Variants in ENPP2 observed in about 807,000 individuals in gnomAD.
ENPP2 encodes the protein autotaxin.
ENPP2 carries 51 observed loss-of-function variants against 120.2 expected under a neutral mutation model. The observed-to-expected ratio is 0.42, with a 90% confidence interval of 0.34 to 0.54. The LOEUF is 0.54. Among genes scored for constraint, ENPP2 ranks in the 20% least tolerant of loss-of-function variants. ENPP2 has a pLI of 0.04. For missense variants in ENPP2, 920 were observed against 1,066.5 expected, an observed-to-expected ratio of 0.86 and a Z score of 1.91; for synonymous variants, 365 against 366.4, an observed-to-expected ratio of 1.00 and a Z score of 0.04.
intron 20 of ENPP2, among the ~76,000 whole-genome samples, chr8:119,569,572 T>A (rs971066604): frequency 2.6e-5 from 4 of 152,090 alleles, no homozygotes; most frequent in Admixed American, 6.6e-5. Context: ...AAACTTTTTT[T>A]AATCAACATA....
intron 11 of ENPP2, chr8:119,595,881 A>G (rs373184043): frequency 1.2e-6 from 2 of 1,613,936 alleles, no homozygotes; most frequent in African/African-American, 2.7e-5. Flanking sequence ...ATAATGATCC[A>G]TCCTATGTAT....
rs577999644 is a variant in ENPP2 at position 119,638,571 on chromosome 8, G to A, written c.34-44C>T. 7 of 1,223,534 alleles carry A rather than the reference G, an allele frequency of 5.7e-6. No individual in the cohort carries two copies. The African/African-American group carries it at 1.0e-4, about 18-fold the overall frequency. 75.8% of individuals were successfully genotyped at this position (1,223,534 alleles called of 1,614,324 possible). ...CAAGTTGTCAAATACAGCTGGAGAA[G>A]ACTAAATCAAATTACACAAAGGTGA... On this transcript the variant is annotated intron_variant, in intron 1 of 24. Coordinates refer to ENST00000075322, the MANE Select transcript of ENPP2 (RefSeq NM_001040092.3).
chr8:119,606,202 C>A (rs1026619993), intron 9 of ENPP2, among the ~76,000 whole-genome samples: 10 of 151,960 alleles, frequency 6.6e-5, no homozygotes, highest in Admixed American at 4.6e-4. Flanking sequence ...AAAAATGAAT[C>A]CAAGTCACTT....
intron 3 of ENPP2, among the ~76,000 whole-genome samples, chr8:119,622,746 T>G (rs539037133): frequency 7.2e-5 from 11 of 152,290 alleles, no homozygotes; most frequent in African/African-American, 2.2e-4. Context: ...AGAACTACTC[T>G]ATTGAGAACT....
intron 10 of ENPP2, 58 bp downstream of exon 10, chr8:119,601,339 G>A (rs371937595): frequency 6.8e-5 from 81 of 1,187,354 alleles, no homozygotes; most frequent in Admixed American, 3.1e-4. Context: ...AGTGTTTCAC[G>A]CAATTCTAAA....
chr8:119,622,876 G>A (rs1324596025), intron 3 of ENPP2, among the ~76,000 whole-genome samples: 1 of 151,698 alleles, frequency 6.6e-6, no homozygotes. Context: ...CATTCCAATT[G>A]GAAAAGACAG....
intron 11 of ENPP2, chr8:119,596,039 C>T (rs373092178): frequency 2.7e-5 from 43 of 1,600,146 alleles, no homozygotes; most frequent in Middle Eastern, 1.7e-4. Flanking sequence ...ACTCAGAAGT[C>T]GTCTGTCCCT....
chr8:119,603,073 T>A (rs1221696649), intron 9 of ENPP2, among the ~76,000 whole-genome samples: 1 of 152,204 alleles, frequency 6.6e-6, no homozygotes, highest in African/African-American at 2.4e-5. Flanking sequence ...CCAATGCTAT[T>A]GGATAAATGC....
At chr8:119,640,989 C>T (rs536671059), upstream of ENPP2, among the ~76,000 whole-genome samples, 133 of 152,110 alleles carry the variant, frequency 8.7e-4, no homozygotes, top group African/African-American at 3.1e-3. Context: ...TCAGGTGATC[C>T]GCCCATCTCA....
chr8:119,637,698 C>A (rs1313118634), intron 2 of ENPP2, among the ~76,000 whole-genome samples: 2 of 152,178 alleles, frequency 1.3e-5, no homozygotes, highest in South Asian at 2.1e-4. Flanking sequence ...AGGAAATTAA[C>A]CAACTCATTG....
chr8:119,618,533 C>T (rs890247694), intron 5 of ENPP2: 3 of 334,646 alleles, frequency 9.0e-6, no homozygotes, highest in Non-Finnish European at 1.7e-5. Flanking sequence ...AGCCAGATGT[C>T]CCACTGCCTT....
At chr8:119,645,184 A>T (rs1463715478) in intron 1 of ENPP2, among the ~76,000 whole-genome samples, 1 of 152,062 alleles carries the variant, frequency 6.6e-6, no homozygotes, top group Non-Finnish European at 1.5e-5. Context: ...AGTTCTAAAA[A>T]CCAGGTCTCC....
At chr8:119,629,329 A>T (rs933434548) in intron 2 of ENPP2, among the ~76,000 whole-genome samples, 11 of 152,292 alleles carry the variant, frequency 7.2e-5, no homozygotes, top group African/African-American at 2.2e-4. Flanking sequence ...CATGCGATTT[A>T]TAATTTTATT....
intron 4 of ENPP2, among the ~76,000 whole-genome samples, chr8:119,620,213 T>A (rs565278525): frequency 9.2e-5 from 14 of 152,206 alleles, no homozygotes; most frequent in Non-Finnish European, 1.5e-4. Flanking sequence ...TAAAAGCCAA[T>A]GCTTAATGAT....
At chr8:119,601,526 A>G in intron 9 of ENPP2, 64 bp from the exon 10 acceptor site, 1 of 1,267,988 alleles carries the variant, frequency 7.9e-7, no homozygotes, top group South Asian at 1.2e-5. Context: ...AAGCCTGAGG[A>G]GTGCTCGCTC....
intron 1 of ENPP2, among the ~76,000 whole-genome samples, chr8:119,670,167 G>A (rs1031423457): frequency 1.3e-5 from 2 of 152,338 alleles, no homozygotes; most frequent in African/African-American, 4.8e-5. Context: ...CTTTCTTGGG[G>A]AAGGTTAGGA....
Position 119,557,278 on chromosome 8 carries a change from C to T in ENPP2, c.*243G>A. On this transcript the variant is annotated 3_prime_UTR_variant, in exon 25 of 25. Coordinates refer to ENST00000075322, the MANE Select transcript of ENPP2 (RefSeq NM_001040092.3). ...AATGCAAATATCAAATCTGCAGCAC[C>T]ATTTAGAAGCTTCCACTAAAAACTC... 2.3e-6 allele frequency: 1 copy of T among 436,092 alleles called. No homozygotes were observed. Among genetic ancestry groups the T allele is most frequent in the East Asian group, 4.4e-5 (1 of 22,944 alleles). 27.0% of individuals were successfully genotyped at this position (436,092 alleles called of 1,614,324 possible).
chr8:119,600,520 A>G (rs1002590205), intron 11 of ENPP2, among the ~76,000 whole-genome samples, 158 bp downstream of exon 11: 4 of 152,218 alleles, frequency 2.6e-5, no homozygotes, highest in Admixed American at 1.3e-4. Flanking sequence ...TCGTTTTAAG[A>G]TTTTTTAAAA....
At chr8:119,610,680 A>T (rs1815037167) in intron 8 of ENPP2, among the ~76,000 whole-genome samples, 1 of 152,064 alleles carries the variant, frequency 6.6e-6, no homozygotes. Context: ...AAGAGGGTGG[A>T]TCGCCTGAGG....
Sources: allele counts gnomAD v4.1 joint callset (sites outside exome capture counted in the v4.1 genomes callset), GRCh38; gene constraint gnomAD v4.1.1; transcripts MANE v1.5; gene names NCBI Gene and HGNC (gene_info 2026-07-23, HGNC 2026-07-21).